Variants in RGS6 observed in about 807,000 individuals in gnomAD.
RGS6 encodes regulator of G-protein signaling 6.
A neutral mutation model predicts 78.5 loss-of-function variants in RGS6; 30 were observed. The ratio of observed to expected loss-of-function variants is 0.38; its 90% CI spans 0.29 to 0.52. RGS6 has a LOEUF of 0.52. RGS6 is among the 20% of genes least tolerant of loss of function. The probability of loss-of-function intolerance (pLI) is 0.85; values close to 1 mark genes in which losing one functional copy is unlikely to be tolerated. For missense variants in RGS6, 495 were observed against 609.7 expected (o/e 0.81, Z 1.98); for synonymous variants, 206 against 206.0 (o/e 1.00, Z 0.00).
chr14:71,882,811 G>T, the RGS6 span, among the ~76,000 whole-genome samples: 222 of 152,290 alleles, frequency 1.5e-3, no homozygotes, highest in African/African-American at 5.1e-3. Flanking sequence ...TTGCATCTTT[G>T]TTTATATCTT....
At chr14:72,256,153 C>T (rs1210090641) in intron 2 of RGS6, among the ~76,000 whole-genome samples, 3 of 152,120 alleles carry the variant, frequency 2.0e-5, no homozygotes, top group Admixed American at 2.0e-4. Flanking sequence ...AAATCCACTG[C>T]CCCAAGAGCT....
At chr14:72,042,418 C>T (rs57294622) in intron 2 of RGS6, among the ~76,000 whole-genome samples, 17,893 of 151,984 alleles carry the variant, frequency 0.12, 1,064 homozygotes, top group East Asian at 0.17. Flanking sequence ...CATGAGCCAC[C>T]GCACCCAGCC....
chr14:72,083,207 C>T lies in RGS6; in HGVS notation c.84+118332C>T, dbSNP rs1035904323. On this transcript the variant is annotated intron_variant, in intron 2 of 17. Coordinates refer to ENST00000553525, the MANE Select transcript of RGS6 (RefSeq NM_001204424.2). Reference sequence around the variant, plus strand: ...TGGTGGAAAGAAAGAATAGAATTCACGGGAATTCTATTGAATCTGACACAG... The same window carrying T: ...TGGTGGAAAGAAAGAATAGAATTCATGGGAATTCTATTGAATCTGACACAG... Among the ~76,000 whole-genome samples, 42 of 152,274 alleles carry T rather than the reference C, an allele frequency of 2.8e-4. 1 individual carries two copies. The highest frequency in any genetic ancestry group is 8.7e-4 in the African/African-American group (36 of 41,558).
chr14:71,893,590 CCT>C, the RGS6 span, among the ~76,000 whole-genome samples: 1 of 152,102 alleles, frequency 6.6e-6, no homozygotes, highest in Non-Finnish European at 1.5e-5. Context: ...CTGAAGGTAC[CCT>C]CTTCTCAAGG....
chr14:72,388,303 A>G (rs1353687349), intron 3 of RGS6, among the ~76,000 whole-genome samples: 1 of 152,214 alleles, frequency 6.6e-6, no homozygotes, highest in Non-Finnish European at 1.5e-5. Flanking sequence ...TGCATATTTC[A>G]AACAAGGCAG....
intron 13 of RGS6, among the ~76,000 whole-genome samples, chr14:72,496,952 A>G (rs909956970): frequency 5.3e-5 from 8 of 152,192 alleles, no homozygotes; most frequent in African/African-American, 1.9e-4. Flanking sequence ...TAATAGCTAC[A>G]TACTATCCCC....
At chr14:71,876,473 CTTT>C in the RGS6 span, among the ~76,000 whole-genome samples, 1 of 72,492 alleles carries the variant, frequency 1.4e-5, no homozygotes, top group Non-Finnish European at 2.5e-5. Flanking sequence ...GCAACCGCTG[CTTT>C]TTTTTTTTTT....
chr14:72,006,598 C>G (rs1196108537), intron 2 of RGS6, among the ~76,000 whole-genome samples: 1 of 152,178 alleles, frequency 6.6e-6, no homozygotes, highest in Non-Finnish European at 1.5e-5. Context: ...CCTTGTCAAG[C>G]CTTCAGGTAT....
intron 2 of RGS6, among the ~76,000 whole-genome samples, chr14:72,134,373 A>G (rs17179734): frequency 0.047 from 7,199 of 152,296 alleles, 178 homozygotes; most frequent in Middle Eastern, 0.088. Context: ...TCTTTCTTCT[A>G]AAGTCTGCAC....
intron 3 of RGS6, among the ~76,000 whole-genome samples, chr14:72,442,723 A>G (rs575689641): frequency 2.8e-4 from 43 of 152,350 alleles, no homozygotes; most frequent in Admixed American, 1.2e-3. Context: ...CGTATTCTAC[A>G]GAAACTGAAG....
At chr14:72,522,344 A>G (rs889898306) in intron 15 of RGS6, among the ~76,000 whole-genome samples, 1 of 152,180 alleles carries the variant, frequency 6.6e-6, no homozygotes, top group Non-Finnish European at 1.5e-5. Flanking sequence ...GTACCACCAC[A>G]CTGAGGATCA....
chr14:72,174,422 G>T (rs987284065), intron 2 of RGS6, among the ~76,000 whole-genome samples: 1 of 152,196 alleles, frequency 6.6e-6, no homozygotes, highest in African/African-American at 2.4e-5. Flanking sequence ...TGAACCAAAG[G>T]CAGCTCTTGG....
At chr14:71,914,549 C>T in the RGS6 span, among the ~76,000 whole-genome samples, 46 of 152,214 alleles carry the variant, frequency 3.0e-4, no homozygotes, top group Non-Finnish European at 5.6e-4. Flanking sequence ...TTAACTCATT[C>T]GGGTCCCTCC....
intron 13 of RGS6, among the ~76,000 whole-genome samples, chr14:72,508,562 CTTTTTTTTTTTTTTT>C (rs61097187): frequency 5.3e-5 from 3 of 56,472 alleles, no homozygotes; most frequent in Admixed American, 2.6e-4. Context: ...ACACAAGCTC[CTTTTTTTTTTTTTTT>C]TTTTTTTTTT....
intron 2 of RGS6, among the ~76,000 whole-genome samples, chr14:72,009,431 C>G (rs1357043111): frequency 6.6e-6 from 1 of 152,176 alleles, no homozygotes. Context: ...TTCCACTTGT[C>G]ACAATACGAT....
intron 2 of RGS6, among the ~76,000 whole-genome samples, chr14:72,113,074 ACACGCATG>A (rs1171439780): frequency 7.1e-6 from 1 of 140,310 alleles, no homozygotes; most frequent in Non-Finnish European, 1.6e-5. Flanking sequence ...ACACACACAC[ACACGCATG>A]CACGCATGCA....
intron 2 of RGS6, among the ~76,000 whole-genome samples, chr14:72,056,772 A>G (rs1033776567): frequency 2.0e-5 from 3 of 152,208 alleles, no homozygotes; most frequent in African/African-American, 4.8e-5. Context: ...TGTATCTGCA[A>G]CCATCTGTAA....
chr14:72,006,273 T>TG (rs902723303), intron 2 of RGS6, among the ~76,000 whole-genome samples: 6 of 152,190 alleles, frequency 3.9e-5, no homozygotes, highest in Admixed American at 3.9e-4. Context: ...TAGTTATTGA[T>TG]GTCTACCAAT....
At chr14:72,440,883 G>A (rs2095168472) in intron 3 of RGS6, among the ~76,000 whole-genome samples, 1 of 152,176 alleles carries the variant, frequency 6.6e-6, no homozygotes, top group Non-Finnish European at 1.5e-5. Context: ...AGGGTTGTGT[G>A]TCTTGTGTCT....
Sources: gnomAD v4.1 joint callset for allele counts (sites outside exome capture counted in the v4.1 genomes callset) on GRCh38, gnomAD v4.1.1 for gene constraint, MANE v1.5 for transcripts, NCBI Gene and HGNC (gene_info 2026-07-23, HGNC 2026-07-21) for gene names.